Variants in RPGRIP1L observed in about 807,000 individuals in gnomAD.
RPGRIP1L encodes RPGRIP1 like.
A neutral mutation model predicts 160.4 loss-of-function variants in RPGRIP1L; 131 were observed. That is an observed-to-expected ratio of 0.82 (90% CI 0.71 to 0.94). The LOEUF (loss-of-function observed/expected upper bound fraction) is 0.94, where lower values mean the gene tolerates loss of function less well. RPGRIP1L is among the 40% of genes least tolerant of loss of function. The pLI, the probability that RPGRIP1L is intolerant of heterozygous loss-of-function variation, is 0.00. For synonymous variants in RPGRIP1L, 510 were observed against 515.8 expected, an observed-to-expected ratio of 0.99 and a Z score of 0.15; for missense variants, 1,522 against 1,535.8, an observed-to-expected ratio of 0.99 and a Z score of 0.15.
At chr16:53,696,530 T>A (rs1970771752) in intron 2 of RPGRIP1L, among the ~76,000 whole-genome samples, 1 of 152,174 alleles carries the variant, frequency 6.6e-6, no homozygotes, top group African/African-American at 2.4e-5. Flanking sequence ...AACAATAGTA[T>A]CCATTCAAAA....
Position 53,622,555 on chromosome 16 carries a change from C to T in RPGRIP1L, c.3295-199G>A, listed in dbSNP as rs192316855. Among the ~76,000 whole-genome samples, 342 of 152,058 alleles carry T rather than the reference C, an allele frequency of 2.2e-3. 1 individual carries two copies. The highest frequency in any genetic ancestry group is 3.6e-3 in the Non-Finnish European group (246 of 67,978). On this transcript the variant is annotated intron_variant, in intron 22 of 26. Coordinates refer to ENST00000647211, the MANE Select transcript of RPGRIP1L (RefSeq NM_015272.5). ...TACAACCAGAAGACATAGCAGCATC[C>T]TTGCCTTTCCATTTTTTTCACACCC...
Position 53,701,722 on chromosome 16 carries a change from G to A in RPGRIP1L, c.-7-992C>T, listed in dbSNP as rs534815143. The A allele has an allele frequency of 9.2e-5, 14 of 151,900 alleles. No individual in the cohort carries two copies. In the South Asian group the frequency reaches 2.5e-3, roughly 27 times the overall value. The allele number at this position is 151,900 out of a possible 1,614,324, so 9.4% of individuals were successfully genotyped here. On this transcript the variant is annotated intron_variant, in intron 1 of 26. Coordinates refer to ENST00000647211, the MANE Select transcript of RPGRIP1L (RefSeq NM_015272.5). ...CTTGGAGGCTAGCATAGAGCGTGGT[G>A]CATTCTGAGAGCAGGCATTCATTAA...
In RPGRIP1L at chr16:53,645,950, A is replaced by T; in HGVS notation, c.2358T>A (p.Asp786Glu). ...TAATGTGAAGTTCATTTAAGTTGCCATCTGTGGAATCTGTAGAACTGAGTT... is the reference window on the plus strand; with the variant it reads ...TAATGTGAAGTTCATTTAAGTTGCCTTCTGTGGAATCTGTAGAACTGAGTT... Reference protein sequence around the residue: ...TAQLSSTDSTDGNLNELHITI... With the variant: ...TAQLSSTDSTEGNLNELHITI... The change falls in exon 17 of 27, where the codon GAT becomes GAA. Residue 786 changes from aspartate (D) to glutamate (E), a missense_variant. Physicochemically the swap from Asp to Glu is conservative, Grantham distance 45. Coordinates refer to ENST00000647211, the MANE Select transcript of RPGRIP1L (RefSeq NM_015272.5). The T allele has an allele frequency of 6.2e-7, 1 of 1,614,114 alleles. No individual in the cohort carries two copies. The highest frequency in any genetic ancestry group is 8.5e-7 in the Non-Finnish European group (1 of 1,179,986).
At chr16:53,620,030 A>G (rs540083355) in intron 23 of RPGRIP1L, among the ~76,000 whole-genome samples, 2 of 152,154 alleles carry the variant, frequency 1.3e-5, no homozygotes, top group Non-Finnish European at 2.9e-5. Context: ...TTACAATTTA[A>G]AGTTTGTCCT....
At chr16:53,673,591 GT>G (rs927738631) in intron 7 of RPGRIP1L, among the ~76,000 whole-genome samples, 37 of 151,108 alleles carry the variant, frequency 2.4e-4, no homozygotes, top group Admixed American at 1.2e-3. Context: ...ATGTCACATA[GT>G]TTTTTTTTAA....
At chr16:53,664,484 A>G (rs1442187466) in intron 10 of RPGRIP1L, among the ~76,000 whole-genome samples, 1 of 152,116 alleles carries the variant, frequency 6.6e-6, no homozygotes, top group East Asian at 1.9e-4. Context: ...TCCCTATTAA[A>G]TTCATATTTC....
At chr16:53,657,324 A>C in intron 13 of RPGRIP1L, 129 bp downstream of exon 13, 2 of 639,268 alleles carry the variant, frequency 3.1e-6, no homozygotes, top group African/African-American at 1.8e-5. Flanking sequence ...GCTACATTCC[A>C]GAGATGTGAT....
chr16:53,692,001 T>C (rs888212380), intron 4 of RPGRIP1L, 65 bp downstream of exon 4: 1 of 1,479,820 alleles, frequency 6.8e-7, no homozygotes, highest in South Asian at 1.1e-5. Flanking sequence ...TAAAACTTTG[T>C]GTTTTTTTTG....
chr16:53,678,995 A>G (rs1321874446), intron 6 of RPGRIP1L, among the ~76,000 whole-genome samples: 1 of 152,224 alleles, frequency 6.6e-6, no homozygotes, highest in Non-Finnish European at 1.5e-5. Flanking sequence ...AATAAGCTTC[A>G]CTAAAATAGC....
rs748601161 is a variant in RPGRIP1L, at chr16:53,645,631, T to A, written c.2677A>T (p.Ile893Phe). 5 of 1,613,534 alleles carry A rather than the reference T, an allele frequency of 3.1e-6. No individual in the cohort carries two copies. In the Admixed American group the frequency reaches 8.3e-5, roughly 27 times the overall value. ...TTCAAAAACATAGGCTTACCTGAGA[T>A]ACACCTGTCATGTGCCAACGAAATC... Reference protein sequence around the residue: ...PLISLAHDRCISGIFELTDHQ... With the variant: ...PLISLAHDRCFSGIFELTDHQ... The change falls in exon 17 of 27, where the codon ATC (isoleucine) becomes TTC (phenylalanine). Residue 893 changes from isoleucine (I) to phenylalanine (F), a missense_variant. Coordinates refer to ENST00000647211, the MANE Select transcript of RPGRIP1L (RefSeq NM_015272.5).
intron 1 of RPGRIP1L, among the ~76,000 whole-genome samples, chr16:53,702,795 T>C (rs1971556848): frequency 1.3e-5 from 2 of 151,706 alleles, no homozygotes; most frequent in African/African-American, 2.4e-5. Context: ...TGGAACTACA[T>C]GTGCGTGCCA....
intron 22 of RPGRIP1L, among the ~76,000 whole-genome samples, chr16:53,633,986 T>G (rs1050059435): frequency 3.3e-5 from 5 of 152,184 alleles, no homozygotes; most frequent in Admixed American, 6.5e-5. Flanking sequence ...CAACAAAGTA[T>G]CACAGACTGG....
intron 24 of RPGRIP1L, 83 bp from the exon 25 acceptor site, chr16:53,611,134 ACCTG>A: frequency 1.0e-6 from 1 of 991,454 alleles, no homozygotes; most frequent in Non-Finnish European, 1.6e-6. Flanking sequence ...TTTTAAAAAT[ACCTG>A]TTTTTAAAGA....
At chr16:53,659,074 T>A in intron 10 of RPGRIP1L, 196 bp from the exon 11 acceptor site, 1 of 612,068 alleles carries the variant, frequency 1.6e-6, no homozygotes, top group South Asian at 2.2e-5. Flanking sequence ...GTCTACCATA[T>A]GATTCACTTG....
rs752965043 is a variant in RPGRIP1L, at chr16:53,599,886, C to T, written c.*2190G>A. ...TATGAAAATGAGTGTTGTGAAAATT[C>T]GCAATAGTTTGAAACTGAATATTTT... is the stretch of plus-strand genomic sequence containing the variant. On this transcript the variant is annotated 3_prime_UTR_variant, in exon 27 of 27. Transcript: ENST00000647211. The T allele has an allele frequency of 2.6e-5, 4 of 152,148 alleles. No individual in the cohort carries two copies. The highest frequency in any genetic ancestry group is 7.2e-5 in the African/African-American group (3 of 41,420). 9.4% of individuals were successfully genotyped at this position (152,148 alleles called of 1,614,324 possible). A position where few individuals can be genotyped will look rare whatever the true frequency, so the allele number is the denominator to read the frequency against.
intron 22 of RPGRIP1L, among the ~76,000 whole-genome samples, chr16:53,629,612 GCTAA>G (rs1965391007): frequency 6.6e-6 from 1 of 152,172 alleles, no homozygotes; most frequent in Non-Finnish European, 1.5e-5. Context: ...TACAGAATTA[GCTAA>G]CTACTTCCTT....
rs993638804 is a variant in RPGRIP1L, at chr16:53,600,511, T to C, written c.*1565A>G. The C allele has an allele frequency of 3.3e-5, 5 of 152,740 alleles. No individual in the cohort carries two copies. The highest frequency in any genetic ancestry group is 7.3e-5 in the Non-Finnish European group (5 of 68,030). 9.5% of individuals were successfully genotyped at this position (152,740 alleles called of 1,614,324 possible). A position where few individuals can be genotyped will look rare whatever the true frequency, so the allele number is the denominator to read the frequency against. On this transcript the variant is annotated 3_prime_UTR_variant, in exon 27 of 27. Transcript: ENST00000647211. ...TATAGACAGAATTTATAGATTTCTG[T>C]GGTCAGATCATACTCTACTGGTCCC... is the stretch of plus-strand genomic sequence containing the variant.
At chr16:53,671,718 C>T (rs1968753219) in intron 8 of RPGRIP1L, 135 bp from the exon 9 acceptor site, 1 of 556,942 alleles carries the variant, frequency 1.8e-6, no homozygotes, top group East Asian at 3.0e-5. Context: ...TAGCTGCTAA[C>T]CAGACCACTT....
intron 15 of RPGRIP1L, among the ~76,000 whole-genome samples, chr16:53,650,037 T>G (rs184209057): frequency 6.6e-6 from 1 of 152,318 alleles, no homozygotes; most frequent in Admixed American, 6.5e-5. Context: ...TGCTAATGGA[T>G]CATTCTCATC....
Sources: allele counts gnomAD v4.1 joint callset (sites outside exome capture counted in the v4.1 genomes callset), GRCh38; gene constraint gnomAD v4.1.1; transcripts MANE v1.5; gene names NCBI Gene and HGNC (gene_info 2026-07-23, HGNC 2026-07-21).